KDM5B: variants seen among roughly 807,000 people sequenced by gnomAD.
KDM5B encodes lysine demethylase 5B.
Under a neutral mutation model 193.4 loss-of-function variants are expected in KDM5B, and 144 were observed. The observed-to-expected ratio is 0.74, with a 90% confidence interval of 0.65 to 0.86. KDM5B has a LOEUF of 0.86. Ranked by LOEUF, KDM5B falls within the 40% of genes least tolerant of loss-of-function variation. The probability of loss-of-function intolerance (pLI) is 0.00; values close to 1 mark genes in which losing one functional copy is unlikely to be tolerated. For synonymous variants in KDM5B, 668 were observed against 682.6 expected (o/e 0.98, Z 0.33); for missense variants, 1,833 against 1,886.9 (o/e 0.97, Z 0.53).
At chr1:202,763,545 T>C (rs540695325) in intron 6 of KDM5B, among the ~76,000 whole-genome samples, 2 of 152,236 alleles carry the variant, frequency 1.3e-5, no homozygotes, top group South Asian at 4.1e-4. Flanking sequence ...ACTTCTTAAT[T>C]TGTATGTGCC....
intron 1 of KDM5B, among the ~76,000 whole-genome samples, chr1:202,803,744 G>A (rs780309921): frequency 3.3e-5 from 5 of 151,794 alleles, no homozygotes; most frequent in African/African-American, 7.3e-5. Flanking sequence ...GCTTGAACCC[G>A]GGAGGCGGAT....
intron 14 of KDM5B, among the ~76,000 whole-genome samples, chr1:202,748,119 G>C (rs1001038007): frequency 3.3e-5 from 5 of 152,132 alleles, no homozygotes; most frequent in African/African-American, 1.2e-4. Context: ...GTGGTGAATT[G>C]ATTTTCAACA....
chr1:202,766,506 T>TG (rs1656465081), intron 5 of KDM5B: 1 of 326,628 alleles, frequency 3.1e-6, no homozygotes, highest in Non-Finnish European at 6.1e-6. Flanking sequence ...ACTCTGTCTC[T>TG]AAAAAAAAAA....
At chr1:202,756,654 T>G (rs758130628) in intron 9 of KDM5B, 138 bp from the exon 10 acceptor site, 1 of 541,684 alleles carries the variant, frequency 1.8e-6, no homozygotes, top group Admixed American at 3.9e-5. Flanking sequence ...CTTAGGCAAT[T>G]CAGGAAACCT....
intron 13 of KDM5B, 68 bp from the exon 14 acceptor site, chr1:202,749,207 A>G (rs1482513006): frequency 2.2e-6 from 3 of 1,355,322 alleles, no homozygotes; most frequent in Non-Finnish European, 3.0e-6. Flanking sequence ...CCTCTGACCC[A>G]TTATTATCAA....
chr1:202,748,966 T>G lies in KDM5B; in HGVS notation c.1995A>C (p.Leu665Phe). 1.9e-6 allele frequency: 3 copies of G among 1,612,584 alleles called. No homozygotes were observed. Among genetic ancestry groups the G allele is most frequent in the Non-Finnish European group, 2.5e-6 (3 of 1,179,484 alleles). The stretch of plus-strand genomic sequence containing the variant: ...TTACCAATTTACGGACAGTTTCTCT[T>G]AAAGCTTTCTCATCCTCAATCATAA... ...MAIMIEDEKALRETVRKLGVI... is the reference protein window; with the variant it reads ...MAIMIEDEKAFRETVRKLGVI... The change falls in exon 14 of 27, where the codon TTA becomes TTC. Residue 665 changes from leucine (L) to phenylalanine (F), a missense_variant. Leu to Phe is a conservative substitution (Grantham distance 22). Transcript: ENST00000367265.
chr1:202,783,863 G>A (rs1259391181), intron 1 of KDM5B, among the ~76,000 whole-genome samples: 2 of 152,086 alleles, frequency 1.3e-5, no homozygotes, highest in Non-Finnish European at 1.5e-5. Flanking sequence ...ACTGGGGACA[G>A]AGCGAGACTC....
In KDM5B at chr1:202,753,043, T is replaced by C; in HGVS notation, c.1563A>G (p.Gly521=). 6.2e-7 allele frequency: 1 copy of C among 1,613,504 alleles called. No individual in the cohort carries two copies. The highest frequency in any genetic ancestry group is 1.3e-5 in the African/African-American group (1 of 74,994). Residue 521 remains glycine, a synonymous_variant, in exon 12 of 27, where the codon GGA becomes GGG. Coordinates refer to ENST00000367265, the MANE Select transcript of KDM5B (RefSeq NM_006618.5). The part of the protein sequence containing the change: ...LHWGEPKTWY[G]VPGYAAEQLE... ...GCTGCTCAGCAGCATACCCTGGGAC[T>C]CCATACCAGGTTTTTGGCTCACCCC...
rs140246216 is a variant in KDM5B, at chr1:202,742,586, C to T, written c.2474+69G>A. On this transcript the variant is annotated intron_variant, in intron 17 of 26. Transcript: ENST00000367265. The stretch of plus-strand genomic sequence containing the variant: ...CCCAGGTGGTCACAGAAATTCAAGA[C>T]AGGAGTCACAACAGGTTTCCAAACA... 4,128 of 1,605,356 alleles carry T rather than the reference C, an allele frequency of 2.6e-3. 38 individuals carry two copies. The highest frequency in any genetic ancestry group is 1.7e-3 in the Non-Finnish European group (2,013 of 1,172,858).
At position 202,758,387 on chromosome 1, in the gene KDM5B, A is replaced by G. The variant is rs769734091; in HGVS notation, c.1197+4T>C. 8 of 1,608,028 alleles carry G rather than the reference A, an allele frequency of 5.0e-6. No individual in the cohort carries two copies. In the Admixed American group the frequency reaches 1.2e-4, roughly 24 times the overall value. On this transcript the variant is annotated splice_donor_region_variant and intron_variant, in intron 9 of 26. Coordinates refer to ENST00000367265, the MANE Select transcript of KDM5B (RefSeq NM_006618.5). Reference sequence around the variant, plus strand: ...CTAAATCAAAGCAGTATATATGTACATACATGGACTGGCATGTTGAAGTAA... The same window carrying G: ...CTAAATCAAAGCAGTATATATGTACGTACATGGACTGGCATGTTGAAGTAA...
At chr1:202,807,947 C>T (rs953437454) in intron 1 of KDM5B, among the ~76,000 whole-genome samples, 155 bp downstream of exon 1, 1 of 151,980 alleles carries the variant, frequency 6.6e-6, no homozygotes, top group Non-Finnish European at 1.5e-5. Flanking sequence ...CTTCCTCCCC[C>T]GGCCTCAACT....
At chr1:202,757,151 C>T (rs10920475) in intron 9 of KDM5B, among the ~76,000 whole-genome samples, 92,004 of 151,862 alleles carry the variant, frequency 0.61, 31,124 homozygotes, top group Middle Eastern at 0.77. Flanking sequence ...TTTGCATAGG[C>T]AGTTCACAAT....
chr1:202,749,060 C>T lies in KDM5B; in HGVS notation c.1901G>A (p.Cys634Tyr). Residue 634 changes from cysteine to tyrosine, a missense_variant, in exon 14 of 27, where the codon TGC becomes TAC. Around this residue, in one of 3 missense-constraint regions of KDM5B, gnomAD observed 1,379 missense variants for 1,349.6 expected, o/e 1.02. Transcript: ENST00000367265. The stretch of plus-strand genomic sequence containing the variant: ...TACATCAGCCTTGGAAGCCATCTTG[C>T]AGATCATCTCATCGTGGGAAAACAC... ...YCVFSHDEMI[C>Y]KMASKADVLD... The T allele has an allele frequency of 6.2e-7, 1 of 1,614,116 alleles. No homozygotes were observed. Among genetic ancestry groups the T allele is most frequent in the Non-Finnish European group, 8.5e-7 (1 of 1,179,998 alleles).
chr1:202,733,741 A>C lies in KDM5B; in HGVS notation c.3569T>G (p.Ile1190Ser). ...LCQKAPAAPMIQCELCRDAFH... is the reference protein window; with the variant it reads ...LCQKAPAAPMSQCELCRDAFH... The stretch of plus-strand genomic sequence containing the variant: ...AGCATCCCTGCAGAGTTCACATTGA[A>C]TCATAGGGGCAGCTGGGGCCTTCTG... The change falls in exon 23 of 27, where the codon ATT becomes AGT. Residue 1190 changes from isoleucine to serine, a missense_variant. Physicochemically the swap from Ile to Ser is moderately radical, Grantham distance 142. Coordinates refer to ENST00000367265, the MANE Select transcript of KDM5B (RefSeq NM_006618.5). The C allele has an allele frequency of 6.2e-7, 1 of 1,614,146 alleles. No homozygotes were observed. The highest frequency in any genetic ancestry group is 8.5e-7 in the Non-Finnish European group (1 of 1,180,002).
At chr1:202,772,799 CG>C (rs1456716291) in intron 4 of KDM5B, among the ~76,000 whole-genome samples, 1 of 151,918 alleles carries the variant, frequency 6.6e-6, no homozygotes, top group African/African-American at 2.4e-5. Flanking sequence ...CGGGTTCAAG[CG>C]GTTCTCCTGC....
At position 202,741,374 on chromosome 1, in the gene KDM5B, T is replaced by C. The variant is rs368866976; in HGVS notation, c.2938A>G (p.Lys980Glu). 21 of 1,537,666 alleles carry C rather than the reference T, an allele frequency of 1.4e-5. No individual in the cohort carries two copies. The highest frequency in any genetic ancestry group is 1.6e-5 in the Non-Finnish European group (18 of 1,144,804). Reference sequence around the variant, plus strand: ...AGAAGTCTGCTTTTTCACCTGGCCTTGAGGAGACTCTTGGCTTTGTCGTCC... The same window carrying C: ...AGAAGTCTGCTTTTTCACCTGGCCTCGAGGAGACTCTTGGCTTTGTCGTCC... ...HWDDKAKSLL[K>E]ARPRHSLNSL... is the part of the protein sequence containing the mutation. Residue 980 changes from lysine (K) to glutamate (E), a missense_variant, in exon 19 of 27, where the codon AAG (lysine) becomes GAG (glutamate). Transcript: ENST00000367265.
chr1:202,807,625 C>A (rs894352398), intron 1 of KDM5B, among the ~76,000 whole-genome samples: 10 of 151,780 alleles, frequency 6.6e-5, no homozygotes, highest in African/African-American at 2.2e-4. Context: ...TTCCTCCTCG[C>A]ACGACAACTC....
chr1:202,777,351 T>TAAAAAA (rs147335949), intron 1 of KDM5B, among the ~76,000 whole-genome samples: 1 of 128,678 alleles, frequency 7.8e-6, no homozygotes, highest in African/African-American at 3.1e-5. Context: ...ATTGAGCCTG[T>TAAAAAA]AAAAAAAAAA....
At chr1:202,769,957 T>C (rs190492708) in intron 4 of KDM5B, among the ~76,000 whole-genome samples, 1 of 152,288 alleles carries the variant, frequency 6.6e-6, no homozygotes, top group East Asian at 1.9e-4. Flanking sequence ...TGACATAAAT[T>C]GTATTAAGTG....
Sources: gnomAD v4.1 joint callset for allele counts (sites outside exome capture counted in the v4.1 genomes callset) on GRCh38, gnomAD v4.1.1 for gene constraint, gnomAD v4.1.1 regional missense constraint, MANE v1.5 for transcripts, NCBI Gene and HGNC (gene_info 2026-07-23, HGNC 2026-07-21) for gene names.